The following CRACR2A variants were observed in gnomAD, a reference collection of about 807,000 sequenced individuals.
CRACR2A encodes the protein calcium release activated channel regulator 2A.
In CRACR2A, 79 loss-of-function variants were observed where a neutral mutation model predicts 90.5. The observed-to-expected ratio is 0.87, with a 90% CI of 0.73 to 1.05. CRACR2A has a LOEUF of 1.05. Ranked by LOEUF, CRACR2A falls within the 50% of genes least tolerant of loss-of-function variation. CRACR2A has a pLI of 0.00. For missense variants in CRACR2A, 823 were observed against 897.2 expected, an observed-to-expected ratio of 0.92 and a Z score of 1.06; for synonymous variants, 338 against 356.7, an observed-to-expected ratio of 0.95 and a Z score of 0.59.
At chr12:3,661,854 C>T (rs1239777634) in intron 7 of CRACR2A, among the ~76,000 whole-genome samples, 1 of 152,176 alleles carries the variant, frequency 6.6e-6, no homozygotes, top group Non-Finnish European at 1.5e-5. Flanking sequence ...TCTGCTAAAG[C>T]AATTCATATA....
intron 12 of CRACR2A, 106 bp downstream of exon 12, chr12:3,644,489 G>A (rs762212908): frequency 1.4e-5 from 17 of 1,193,704 alleles, no homozygotes; most frequent in Non-Finnish European, 1.9e-5. Context: ...CTGCCAAATA[G>A]ATCCCGAGTG....
chr12:3,692,493 G>A (rs139911394), intron 4 of CRACR2A, among the ~76,000 whole-genome samples: 345 of 125,592 alleles, frequency 2.7e-3, no homozygotes, highest in Admixed American at 4.4e-3. Context: ...GCTCCTCAAG[G>A]TTAGGAATCC....
intron 15 of CRACR2A, 39 bp from the exon 16 acceptor site, chr12:3,627,745 C>T (rs1944293649): frequency 1.3e-6 from 2 of 1,532,986 alleles, no homozygotes; most frequent in Non-Finnish European, 1.8e-6. Flanking sequence ...TGCCCTGGGC[C>T]AGGGGCACCT....
At chr12:3,725,430 CCTT>C (rs1310118993) in intron 2 of CRACR2A, among the ~76,000 whole-genome samples, 3 of 152,088 alleles carry the variant, frequency 2.0e-5, no homozygotes, top group Non-Finnish European at 2.9e-5. Flanking sequence ...CCTCATTTGG[CCTT>C]CTTCTCTCTA....
intron 18 of CRACR2A, among the ~76,000 whole-genome samples, chr12:3,618,475 G>A (rs777811283): frequency 2.0e-4 from 31 of 152,106 alleles, no homozygotes; most frequent in Non-Finnish European, 4.1e-4. Context: ...TTTGGATTTC[G>A]GAATTGTGGA....
intron 2 of CRACR2A, among the ~76,000 whole-genome samples, chr12:3,721,878 C>T (rs1223617426): frequency 6.6e-6 from 1 of 152,112 alleles, no homozygotes; most frequent in Non-Finnish European, 1.5e-5. Flanking sequence ...AGATGGAAGA[C>T]GTCCAGCACG....
At chr12:3,747,728 G>T (rs1425732191) in intron 1 of CRACR2A, among the ~76,000 whole-genome samples, 1 of 152,220 alleles carries the variant, frequency 6.6e-6, no homozygotes, top group Non-Finnish European at 1.5e-5. Flanking sequence ...AAGCTGTCTG[G>T]CCAGAAACAC....
At chr12:3,631,979 C>T (rs1425695652) in intron 15 of CRACR2A, among the ~76,000 whole-genome samples, 5 of 152,146 alleles carry the variant, frequency 3.3e-5, no homozygotes, top group Non-Finnish European at 7.4e-5. Flanking sequence ...ATTTGTATCC[C>T]CACCCAGACC....
chr12:3,620,372 A>G (rs552979810), intron 17 of CRACR2A, among the ~76,000 whole-genome samples: 1 of 152,382 alleles, frequency 6.6e-6, no homozygotes, highest in East Asian at 1.9e-4. Flanking sequence ...GGATAACAGA[A>G]GCTAATAAGC....
chr12:3,618,986 TATCTTAGA>T (rs1374737577), intron 18 of CRACR2A, among the ~76,000 whole-genome samples: 3 of 152,218 alleles, frequency 2.0e-5, no homozygotes, highest in Admixed American at 6.5e-5. Flanking sequence ...AAACTATTGC[TATCTTAGA>T]ATGTATACTT....
intron 1 of CRACR2A, among the ~76,000 whole-genome samples, chr12:3,748,083 G>C (rs1217910046): frequency 1.3e-5 from 2 of 152,190 alleles, no homozygotes; most frequent in African/African-American, 2.4e-5. Flanking sequence ...TACACTACGA[G>C]CACAGGACTG....
chr12:3,718,533 A>G (rs1946111847), intron 2 of CRACR2A, among the ~76,000 whole-genome samples: 1 of 152,248 alleles, frequency 6.6e-6, no homozygotes, highest in Non-Finnish European at 1.5e-5. Context: ...TGGACAGTCT[A>G]AAGTGAGATG....
chr12:3,670,761 A>C (rs959331935), intron 7 of CRACR2A, among the ~76,000 whole-genome samples: 13 of 152,218 alleles, frequency 8.5e-5, no homozygotes, highest in Non-Finnish European at 1.5e-4. Flanking sequence ...CAAGAGCTCC[A>C]GTCCTTCCTG....
chr12:3,621,739 T>A (rs1212534390), intron 17 of CRACR2A, among the ~76,000 whole-genome samples: 4 of 136,594 alleles, frequency 2.9e-5, no homozygotes, highest in Non-Finnish European at 4.7e-5. Context: ...AAAAAAAAAA[T>A]TTAAAAGCAA....
chr12:3,742,135 C>CAG (rs1481839101), intron 1 of CRACR2A, among the ~76,000 whole-genome samples: 1 of 152,242 alleles, frequency 6.6e-6, no homozygotes, highest in Non-Finnish European at 1.5e-5. Flanking sequence ...AAATCATGAA[C>CAG]AGCTGCCTTT....
intron 3 of CRACR2A, among the ~76,000 whole-genome samples, chr12:3,705,430 C>T (rs2137743062): frequency 6.6e-6 from 1 of 152,336 alleles, no homozygotes; most frequent in African/African-American, 2.4e-5. Flanking sequence ...TAGAGAACAG[C>T]TGGTATCTCC....
At chr12:3,629,137 T>G (rs950604023) in intron 15 of CRACR2A, among the ~76,000 whole-genome samples, 5 of 152,124 alleles carry the variant, frequency 3.3e-5, no homozygotes, top group African/African-American at 9.7e-5. Flanking sequence ...TGCACACACA[T>G]GCACACATAT....
chr12:3,671,995 A>G (rs1214216309), intron 7 of CRACR2A, among the ~76,000 whole-genome samples: 1 of 152,194 alleles, frequency 6.6e-6, no homozygotes, highest in Non-Finnish European at 1.5e-5. Flanking sequence ...TAATTAGGTA[A>G]TGGCTACATA....
At chr12:3,623,018 A>G (rs1198413142) in intron 17 of CRACR2A, among the ~76,000 whole-genome samples, 1 of 152,232 alleles carries the variant, frequency 6.6e-6, no homozygotes, top group Non-Finnish European at 1.5e-5. Context: ...GAAGTGGGCC[A>G]GGACCCCTTG....
Sources: allele counts gnomAD v4.1 joint callset (sites outside exome capture counted in the v4.1 genomes callset), GRCh38; gene constraint gnomAD v4.1.1; transcripts MANE v1.5; gene names NCBI Gene and HGNC (gene_info 2026-07-23, HGNC 2026-07-21).